Variants in PTPRG observed in about 807,000 individuals in gnomAD.
PTPRG encodes receptor-type tyrosine-protein phosphatase gamma.
In PTPRG, 102 loss-of-function variants were observed where a neutral mutation model predicts 165.3. The observed-to-expected ratio is 0.62, with a 90% CI of 0.53 to 0.73. PTPRG has a LOEUF of 0.73. Ranked by LOEUF, PTPRG falls within the 30% of genes least tolerant of loss-of-function variation. The pLI is 0.00. For synonymous variants in PTPRG, 675 were observed against 669.5 expected, an observed-to-expected ratio of 1.01 and a Z score of -0.13; for missense variants, 1,866 against 1,861.4, an observed-to-expected ratio of 1.00 and a Z score of -0.05.
At chr3:62,156,964 G>C (rs1470166476) in intron 6 of PTPRG, 103 bp from the exon 7 acceptor site, 12 of 1,037,334 alleles carry the variant, frequency 1.2e-5, no homozygotes, top group East Asian at 9.7e-5. Context: ...CAAACATAAG[G>C]CTTGCGATGT....
intron 12 of PTPRG, among the ~76,000 whole-genome samples, chr3:62,218,318 G>T (rs1355181222): frequency 1.3e-5 from 2 of 152,202 alleles, no homozygotes; most frequent in African/African-American, 2.4e-5. Context: ...CAGAATTGGG[G>T]TGTAGTTGTT....
chr3:62,249,475 C>G (rs1701361704), intron 15 of PTPRG, among the ~76,000 whole-genome samples: 1 of 152,108 alleles, frequency 6.6e-6, no homozygotes, highest in Non-Finnish European at 1.5e-5. Context: ...CTGTTTTTCT[C>G]TGCCCATGGA....
chr3:61,997,349 A>G (rs1371668984), intron 3 of PTPRG, among the ~76,000 whole-genome samples: 1 of 152,146 alleles, frequency 6.6e-6, no homozygotes, highest in East Asian at 1.9e-4. Context: ...TCTCTCAAGC[A>G]TATCAAGGAC....
At chr3:62,216,871 C>A (rs1294954290) in intron 12 of PTPRG, among the ~76,000 whole-genome samples, 1 of 152,188 alleles carries the variant, frequency 6.6e-6, no homozygotes, top group Non-Finnish European at 1.5e-5. Flanking sequence ...GTGCAGAACA[C>A]CCTTCTTCCC....
At chr3:61,695,238 C>G (rs547467540) in intron 1 of PTPRG, among the ~76,000 whole-genome samples, 4 of 152,136 alleles carry the variant, frequency 2.6e-5, no homozygotes, top group Non-Finnish European at 5.9e-5. Flanking sequence ...CTCGAACTCC[C>G]GACCTCGGGT....
At chr3:61,827,271 G>A (rs951416964) in intron 2 of PTPRG, among the ~76,000 whole-genome samples, 2 of 152,150 alleles carry the variant, frequency 1.3e-5, no homozygotes, top group African/African-American at 2.4e-5. Context: ...ACTGGTTTGC[G>A]GCATAACGTA....
chr3:62,086,361 T>G (rs1300256635), intron 5 of PTPRG, among the ~76,000 whole-genome samples: 5 of 152,034 alleles, frequency 3.3e-5, no homozygotes, highest in African/African-American at 7.2e-5. Context: ...AGGGATAAAT[T>G]AGTAATTTTA....
At chr3:61,759,312 C>CTAA (rs2033751671) in intron 2 of PTPRG, among the ~76,000 whole-genome samples, 1 of 152,136 alleles carries the variant, frequency 6.6e-6, no homozygotes, top group Non-Finnish European at 1.5e-5. Flanking sequence ...GAAATGCTTT[C>CTAA]TAATAACTTC....
At position 62,233,975 on chromosome 3, in the gene PTPRG, C is replaced by G. The variant is rs1700965472; in HGVS notation, c.2375+2664C>G. 6.6e-6 allele frequency among the ~76,000 whole-genome samples: 1 copy of G among 152,206 alleles called. No individual in the cohort carries two copies. The highest frequency in any genetic ancestry group is 1.5e-5 in the Non-Finnish European group (1 of 68,040). On this transcript the variant is annotated intron_variant, in intron 14 of 29. Coordinates refer to ENST00000474889, the MANE Select transcript of PTPRG (RefSeq NM_002841.4). This position sits in a 1 kb window ranked among gnomAD's most constrained non-coding sequence, Gnocchi z 4.7. ...ATCACTCACCCACCCTGCTCCCTAC[C>G]TCCTCACAAATAGGTAGCCCCTATT...
chr3:62,178,745 C>T (rs1705533056), intron 8 of PTPRG, among the ~76,000 whole-genome samples: 1 of 152,162 alleles, frequency 6.6e-6, no homozygotes, highest in African/African-American at 2.4e-5. Flanking sequence ...ATTACTTAAT[C>T]CTCTCCATCT....
Position 61,575,633 on chromosome 3 carries a change from G to A in PTPRG, c.85+13261G>A, listed in dbSNP as rs999092242. 3.0e-5 allele frequency among the ~76,000 whole-genome samples: 4 copies of A among 131,794 alleles called. 1 individual carries two copies. Among genetic ancestry groups the A allele is most frequent in the South Asian group, 4.6e-4 (2 of 4,306 alleles). The allele number at this position is 131,794 out of a possible 152,430, so 86.5% of individuals were successfully genotyped here. On this transcript the variant is annotated intron_variant, in intron 1 of 29. Coordinates refer to ENST00000474889, the MANE Select transcript of PTPRG (RefSeq NM_002841.4). Reference sequence around the variant, plus strand: ...TTTTTTTTTTTTGAGATGGAGTCTCGCTTTGTCACCCAGACTGTTCAGTGG... The same window carrying A: ...TTTTTTTTTTTTGAGATGGAGTCTCACTTTGTCACCCAGACTGTTCAGTGG...
At chr3:62,194,899 C>CA (rs1431682404) in intron 9 of PTPRG, among the ~76,000 whole-genome samples, 163 bp from the exon 10 acceptor site, 1 of 152,094 alleles carries the variant, frequency 6.6e-6, no homozygotes, top group Non-Finnish European at 1.5e-5. Context: ...AATAGATTCC[C>CA]AGGCAGGGTC....
chr3:62,269,060 C>G lies in PTPRG; in HGVS notation c.2900C>G (p.Thr967Arg). The G allele has an allele frequency of 6.2e-7, 1 of 1,600,416 alleles. No homozygotes were observed. The highest frequency in any genetic ancestry group is 8.5e-7 in the Non-Finnish European group (1 of 1,169,936). ...CGAAAATGTGATCAGTATTGGCCAA[C>G]AGAGAACAGTGAGGAATATGGAAAC... is the stretch of plus-strand genomic sequence containing the variant. ...GRRKCDQYWP[T>R]ENSEEYGNII... Residue 967 changes from threonine (T) to arginine (R), a missense_variant, in exon 20 of 30, where the codon ACA (threonine) becomes AGA (arginine). This residue lies in a region of PTPRG where 1,452 missense variants were observed against 1,463.0 expected (regional missense o/e 0.99). Transcript: ENST00000474889.
intron 4 of PTPRG, among the ~76,000 whole-genome samples, chr3:62,046,459 G>T (rs1400701721): frequency 6.6e-6 from 1 of 152,142 alleles, no homozygotes; most frequent in Non-Finnish European, 1.5e-5. Flanking sequence ...TACACTTCCT[G>T]AGCCTGTGCC....
intron 5 of PTPRG, among the ~76,000 whole-genome samples, chr3:62,094,450 T>TCTGGATG (rs755391887): frequency 5.9e-5 from 9 of 152,180 alleles, no homozygotes; most frequent in Non-Finnish European, 1.3e-4. Context: ...TCTCCTGAAA[T>TCTGGATG]CTGGATGGTG....
chr3:61,921,462 A>T (rs1290601253), intron 2 of PTPRG, among the ~76,000 whole-genome samples: 1 of 152,170 alleles, frequency 6.6e-6, no homozygotes, highest in Non-Finnish European at 1.5e-5. Flanking sequence ...GCTCCAAAAA[A>T]CACTTCAAAA....
intron 4 of PTPRG, among the ~76,000 whole-genome samples, chr3:62,027,056 C>T (rs1005945573): frequency 6.6e-6 from 1 of 151,986 alleles, no homozygotes; most frequent in African/African-American, 2.4e-5. Flanking sequence ...CATTTAGAGT[C>T]AGTATAGATA....
intron 1 of PTPRG, among the ~76,000 whole-genome samples, chr3:61,565,829 G>C (rs1699899212): frequency 6.6e-6 from 1 of 151,432 alleles, no homozygotes; most frequent in African/African-American, 2.4e-5. Flanking sequence ...TATTTTATTT[G>C]CATGTGCGGG....
intron 2 of PTPRG, among the ~76,000 whole-genome samples, chr3:61,885,841 T>G (rs1447527605): frequency 6.7e-6 from 1 of 148,588 alleles, no homozygotes; most frequent in African/African-American, 2.5e-5. Context: ...TCACCTCACC[T>G]TTCACCACCT....
Sources: allele counts gnomAD v4.1 joint callset (sites outside exome capture counted in the v4.1 genomes callset), GRCh38; gene constraint gnomAD v4.1.1; regional missense constraint gnomAD v4.1.1; non-coding constraint Gnocchi (gnomAD v3.1); transcripts MANE v1.5; gene names NCBI Gene and HGNC (gene_info 2026-07-23, HGNC 2026-07-21).